Variants in HS3ST4 observed in about 807,000 individuals in gnomAD.
HS3ST4 encodes the protein heparan sulfate-glucosamine 3-sulfotransferase 4.
Under a neutral mutation model 29.2 loss-of-function variants are expected in HS3ST4, and 17 were observed. The ratio of observed to expected loss-of-function variants is 0.58; its 90% confidence interval spans 0.40 to 0.87. The LOEUF is 0.87. HS3ST4 is among the 40% of genes least tolerant of loss of function. HS3ST4 has a pLI of 0.00. For synonymous variants in HS3ST4, 314 were observed against 285.7 expected, an observed-to-expected ratio of 1.10 and a Z score of -1.00; for missense variants, 627 against 634.5, an observed-to-expected ratio of 0.99 and a Z score of 0.13.
At chr16:26,100,621 ACT>A (rs1400649932) in intron 1 of HS3ST4, among the ~76,000 whole-genome samples, 1 of 152,084 alleles carries the variant, frequency 6.6e-6, no homozygotes, top group Admixed American at 6.6e-5. Flanking sequence ...CCATGGGGCA[ACT>A]CTCTGATAAT....
At chr16:25,754,709 A>C (rs937747311) in intron 1 of HS3ST4, among the ~76,000 whole-genome samples, 2 of 152,128 alleles carry the variant, frequency 1.3e-5, no homozygotes, top group African/African-American at 4.8e-5. Flanking sequence ...CCTGAGGACT[A>C]TCACGATCAC....
chr16:25,751,307 A>C (rs2141601956), intron 1 of HS3ST4, among the ~76,000 whole-genome samples: 1 of 152,260 alleles, frequency 6.6e-6, no homozygotes, highest in East Asian at 1.9e-4. Context: ...GTGTGTATGC[A>C]TGTGGCGTCA....
intron 1 of HS3ST4, among the ~76,000 whole-genome samples, chr16:26,026,903 A>C (rs929953129): frequency 6.6e-6 from 1 of 152,198 alleles, no homozygotes; most frequent in African/African-American, 2.4e-5. Flanking sequence ...GGACATTTAA[A>C]TGATAAATGC....
intron 1 of HS3ST4, among the ~76,000 whole-genome samples, chr16:26,116,487 A>AT (rs1899202700): frequency 1.3e-5 from 2 of 152,154 alleles, no homozygotes; most frequent in South Asian, 4.1e-4. Flanking sequence ...AATTATAATT[A>AT]TTTTTCCCAT....
At chr16:26,101,373 C>T (rs956447925) in intron 1 of HS3ST4, among the ~76,000 whole-genome samples, 9 of 152,216 alleles carry the variant, frequency 5.9e-5, no homozygotes, top group African/African-American at 2.2e-4. Context: ...AAGGCTAGAG[C>T]TTCCCAGTCC....
chr16:25,797,495 G>A (rs1966893184), intron 1 of HS3ST4, among the ~76,000 whole-genome samples: 1 of 152,080 alleles, frequency 6.6e-6, no homozygotes. Flanking sequence ...ACATGCGAGG[G>A]GCTTAGGACA....
intron 1 of HS3ST4, among the ~76,000 whole-genome samples, chr16:25,750,518 T>G (rs115201064): frequency 2.0e-5 from 3 of 152,210 alleles, no homozygotes; most frequent in Non-Finnish European, 4.4e-5. Context: ...GTCTAGATGT[T>G]GACAGCTGTT....
intron 1 of HS3ST4, among the ~76,000 whole-genome samples, chr16:25,952,653 G>A (rs867744778): frequency 1.3e-5 from 2 of 152,174 alleles, no homozygotes; most frequent in Non-Finnish European, 1.5e-5. Context: ...TGCATTATTA[G>A]TAGTATTGTT....
At chr16:26,080,561 A>T (rs1392720641) in intron 1 of HS3ST4, among the ~76,000 whole-genome samples, 1 of 152,178 alleles carries the variant, frequency 6.6e-6, no homozygotes, top group Non-Finnish European at 1.5e-5. Flanking sequence ...TGGCAAATGC[A>T]CTATCAAGCA....
chr16:25,694,329 C>T (rs8044261), intron 1 of HS3ST4, among the ~76,000 whole-genome samples: 152,154 of 152,386 alleles, frequency 1, 75,961 homozygotes, highest in Middle Eastern at 1. Flanking sequence ...TGAAGAAATA[C>T]ATAATAAATG....
intron 1 of HS3ST4, among the ~76,000 whole-genome samples, chr16:25,931,362 C>T (rs998541433): frequency 6.6e-6 from 1 of 152,222 alleles, no homozygotes; most frequent in African/African-American, 2.4e-5. Flanking sequence ...TCCCCCTGAC[C>T]TTGCCCTCTG....
chr16:25,982,116 C>T (rs9302437), intron 1 of HS3ST4, among the ~76,000 whole-genome samples: 124,125 of 152,096 alleles, frequency 0.82, 51,020 homozygotes, highest in Admixed American at 0.9. Flanking sequence ...CCAACAGGTT[C>T]CACCTTTAGG....
chr16:25,992,092 A>G (rs1969119364), intron 1 of HS3ST4, among the ~76,000 whole-genome samples: 1 of 152,204 alleles, frequency 6.6e-6, no homozygotes, highest in Non-Finnish European at 1.5e-5. Context: ...TACCAAGTGC[A>G]TGGTGCTAAG....
At chr16:26,105,121 T>C (rs1899036330) in intron 1 of HS3ST4, among the ~76,000 whole-genome samples, 1 of 152,126 alleles carries the variant, frequency 6.6e-6, no homozygotes, top group South Asian at 2.1e-4. Flanking sequence ...GTGGATTGGA[T>C]GAAGAAAATG....
intron 1 of HS3ST4, among the ~76,000 whole-genome samples, chr16:25,843,243 G>T (rs1967434007): frequency 6.6e-6 from 1 of 151,952 alleles, no homozygotes; most frequent in Non-Finnish European, 1.5e-5. Context: ...TTCTGCCTGG[G>T]TTTACTCTGC....
At chr16:25,960,428 A>C (rs1394549856) in intron 1 of HS3ST4, among the ~76,000 whole-genome samples, 1 of 152,184 alleles carries the variant, frequency 6.6e-6, no homozygotes, top group African/African-American at 2.4e-5. Context: ...ATTCAACCCA[A>C]CTCCTAAAGT....
At chr16:25,870,213 C>T (rs565296773) in intron 1 of HS3ST4, among the ~76,000 whole-genome samples, 1 of 152,234 alleles carries the variant, frequency 6.6e-6, no homozygotes, top group Admixed American at 6.6e-5. Flanking sequence ...ACCATCCATC[C>T]ATCCATCCAT....
intron 1 of HS3ST4, chr16:26,032,827 G>A (rs76730561): frequency 1.5e-5 from 23 of 1,572,788 alleles, no homozygotes; most frequent in East Asian, 4.5e-5. Context: ...TGGCGGCGAC[G>A]GCAGCAGGAC....
chr16:25,801,406 T>TG (rs1966933028), intron 1 of HS3ST4, among the ~76,000 whole-genome samples: 1 of 152,220 alleles, frequency 6.6e-6, no homozygotes, highest in Admixed American at 6.5e-5. Flanking sequence ...GTCTGTGTAC[T>TG]TGTGCAAGTC....
Sources: allele counts gnomAD v4.1 joint callset (sites outside exome capture counted in the v4.1 genomes callset), GRCh38; gene constraint gnomAD v4.1.1; transcripts MANE v1.5; gene names NCBI Gene and HGNC (gene_info 2026-07-23, HGNC 2026-07-21).